The following MCOLN2 variants were observed in gnomAD, a reference collection of about 807,000 sequenced individuals.
MCOLN2 encodes the protein mucolipin TRP cation channel 2, also known as mucolipin-2.
In MCOLN2, 57 loss-of-function variants were observed where a neutral mutation model predicts 67.5. That is an observed-to-expected ratio of 0.84 (90% confidence interval 0.68 to 1.05). MCOLN2 has a LOEUF of 1.05. MCOLN2 is among the 50% of genes least tolerant of loss of function. The probability of loss-of-function intolerance (pLI) is 0.00; values close to 1 mark genes in which losing one functional copy is unlikely to be tolerated. For synonymous variants in MCOLN2, 246 were observed against 233.3 expected (o/e 1.05, Z -0.50); for missense variants, 620 against 678.8 (o/e 0.91, Z 0.96).
rs771530465 is a variant in MCOLN2 at position 84,940,922 on chromosome 1, A to G, written c.917T>C (p.Ile306Thr). Reference sequence around the variant, plus strand: ...AAGAACAATGGATCTTGTACACAGAATAAGAGATGCCAAGCAAATCACAAT... The same window carrying G: ...AAGAACAATGGATCTTGTACACAGAGTAAGAGATGCCAAGCAAATCACAAT... Reference protein sequence around the residue: ...FVIVICLASLILCTRSIVLAL... With the variant: ...FVIVICLASLTLCTRSIVLAL... The change falls in exon 8 of 14, where the codon ATT (isoleucine) becomes ACT (threonine). Residue 306 changes from isoleucine (I) to threonine (T), a missense_variant. Transcript: ENST00000370608. 11 of 1,613,834 alleles carry G rather than the reference A, an allele frequency of 6.8e-6. No individual in the cohort carries two copies. Among genetic ancestry groups the G allele is most frequent in the Middle Eastern group, 1.6e-4 (1 of 6,062 alleles).
chr1:84,986,368 C>T (rs1650505615), intron 1 of MCOLN2, among the ~76,000 whole-genome samples: 1 of 152,050 alleles, frequency 6.6e-6, no homozygotes, highest in African/African-American at 2.4e-5. Context: ...TGGAGAAACC[C>T]TGTCTTTACT....
intron 8 of MCOLN2, 26 bp downstream of exon 8, chr1:84,940,853 G>T: frequency 6.5e-7 from 1 of 1,529,908 alleles, no homozygotes. Flanking sequence ...CAAGAGGGCA[G>T]GAAGAGAATG....
intron 12 of MCOLN2, 114 bp downstream of exon 12, chr1:84,931,248 C>CA: frequency 1.4e-6 from 1 of 738,878 alleles, no homozygotes; most frequent in Non-Finnish European, 2.3e-6. Context: ...AGTTTGTCCA[C>CA]AAAACCTCAA....
chr1:84,985,937 A>C (rs1571042024), intron 1 of MCOLN2, among the ~76,000 whole-genome samples: 1 of 152,296 alleles, frequency 6.6e-6, no homozygotes, highest in South Asian at 2.1e-4. Context: ...AACTAGGAAA[A>C]AAAATCCTAA....
rs1051694004 is a variant in MCOLN2 at position 84,953,517 on chromosome 1, T to C, written c.566-987A>G. Among the ~76,000 whole-genome samples the C allele has an allele frequency of 7.5e-5, 11 of 145,924 alleles. No homozygotes were observed. The East Asian group carries it at 1.8e-3, about 24-fold the overall frequency. On this transcript the variant is annotated intron_variant, in intron 4 of 13. Coordinates refer to ENST00000370608, the MANE Select transcript of MCOLN2 (RefSeq NM_153259.4). ...GTGAGCCAAGATTGCGCCACTGCAC[T>C]CCAGCCTGGGCGACAAGAACGAAAC...
At chr1:84,938,743 C>G (rs1365457604) in intron 9 of MCOLN2, among the ~76,000 whole-genome samples, 1 of 152,146 alleles carries the variant, frequency 6.6e-6, no homozygotes, top group Non-Finnish European at 1.5e-5. Context: ...AGGGTCAGAG[C>G]AGGGGCAGGA....
chr1:84,964,523 G>C (rs1179749695), intron 2 of MCOLN2, among the ~76,000 whole-genome samples: 1 of 141,942 alleles, frequency 7.0e-6, no homozygotes, highest in African/African-American at 2.5e-5. Context: ...AGTGGGGCAG[G>C]AGTGGGGGGG....
At chr1:84,983,274 C>A (rs200814684) in intron 1 of MCOLN2, among the ~76,000 whole-genome samples, 2 of 139,110 alleles carry the variant, frequency 1.4e-5, no homozygotes, top group Non-Finnish European at 3.2e-5. Context: ...TTTTTCTTTT[C>A]TTTTTCTTTT....
At chr1:84,996,708 C>A in intron 1 of MCOLN2, 88 bp downstream of exon 1, 1 of 1,186,138 alleles carries the variant, frequency 8.4e-7, no homozygotes. Context: ...AGGCAGCAAG[C>A]AAGCTCTAGT....
intron 7 of MCOLN2, among the ~76,000 whole-genome samples, chr1:84,945,258 T>A (rs1648030431): frequency 1.3e-5 from 2 of 152,206 alleles, no homozygotes; most frequent in South Asian, 4.1e-4. Flanking sequence ...GAAATTTCCA[T>A]CATTTTGATC....
chr1:84,956,439 A>G lies in MCOLN2; in HGVS notation c.557T>C (p.Val186Ala), dbSNP rs762235549. The G allele has an allele frequency of 6.2e-7, 1 of 1,611,504 alleles. No homozygotes were observed. Among genetic ancestry groups the G allele is most frequent in the Non-Finnish European group, 8.5e-7 (1 of 1,179,210 alleles). Residue 186 changes from valine (V) to alanine (A), a missense_variant, in exon 4 of 14, where the codon GTT (valine) becomes GCT (alanine). Physicochemically the swap from Val to Ala is moderately conservative, Grantham distance 64. Coordinates refer to ENST00000370608, the MANE Select transcript of MCOLN2 (RefSeq NM_153259.4). ...AATTATCACTGCATTACCGAGCTCA[A>G]CGTCGTTGTCAATATTCAGTGTCTC... is the stretch of plus-strand genomic sequence containing the variant. ...SNETLNIDND[V>A]ELDCVQLDLQ...
chr1:84,996,455 A>T (rs960260494), intron 1 of MCOLN2, among the ~76,000 whole-genome samples: 1 of 140,360 alleles, frequency 7.1e-6, no homozygotes, highest in Non-Finnish European at 1.5e-5. Flanking sequence ...GAAACGGGGG[A>T]GCCAAGGTCT....
At position 84,965,670 on chromosome 1, in the gene MCOLN2, T is replaced by TC. The variant is rs1649343307; in HGVS notation, c.115dup (p.Glu39GlyfsTer16). The TC allele has an allele frequency of 6.2e-7, 1 of 1,613,586 alleles. No individual in the cohort carries two copies. Among genetic ancestry groups the TC allele is most frequent in the South Asian group, 1.1e-5 (1 of 90,946 alleles). ...AAACTTCAGGTCTTCCCTTAGACAT[T>TC]CTTCTTTCATCTCAGAATCACGATG... On this transcript the variant is annotated frameshift_variant, in exon 2 of 14. Coordinates refer to ENST00000370608, the MANE Select transcript of MCOLN2 (RefSeq NM_153259.4). LOFTEE classifies it high-confidence loss of function.
chr1:84,971,611 A>T (rs1181149065), intron 1 of MCOLN2, among the ~76,000 whole-genome samples: 2 of 152,138 alleles, frequency 1.3e-5, no homozygotes, highest in South Asian at 2.1e-4. Context: ...AGGGAAAAAA[A>T]TTTTAAAACA....
chr1:84,958,682 A>C lies in MCOLN2; in HGVS notation c.258T>G (p.Ser86Arg), dbSNP rs1648921164. The C allele has an allele frequency of 1.0e-5, 16 of 1,579,668 alleles. No individual in the cohort carries two copies. The highest frequency in any genetic ancestry group is 1.4e-5 in the Non-Finnish European group (16 of 1,168,534). ...CTTTGAAAGCAACCACCAGCTGGTT[A>C]CTTAAACCAAAACGAACAAGCTAAA... ...VTTQLVRFGL[S>R]NQLVVAFKED... is the part of the protein sequence containing the mutation. Residue 86 changes from serine (S) to arginine (R), a missense_variant, in exon 3 of 14, where the codon AGT (serine) becomes AGG (arginine). Ser to Arg is a moderately radical substitution (Grantham distance 110, BLOSUM62 -1). Transcript: ENST00000370608.
At chr1:84,991,231 G>A (rs1014655113) in intron 1 of MCOLN2, among the ~76,000 whole-genome samples, 21 of 152,214 alleles carry the variant, frequency 1.4e-4, no homozygotes, top group Non-Finnish European at 2.9e-4. Context: ...GGGGTAGAGG[G>A]TGGAAGAAGT....
rs147348679 is a variant in MCOLN2, at chr1:84,937,717, G to A, written c.1335+38C>T. The A allele has an allele frequency of 1.0e-3, 1,622 of 1,611,888 alleles. 20 individuals are homozygous for A. The South Asian group carries it at 0.01, about 10-fold the overall frequency. On this transcript the variant is annotated intron_variant, in intron 11 of 13. Coordinates refer to ENST00000370608, the MANE Select transcript of MCOLN2 (RefSeq NM_153259.4). ...AGAAACCCACGTTCAAGGGTCCCAC[G>A]TGCCCCATCTGCAGAAGGAAGAATG...
chr1:84,993,032 T>C (rs1157159535), intron 1 of MCOLN2, among the ~76,000 whole-genome samples: 1 of 152,266 alleles, frequency 6.6e-6, no homozygotes, highest in South Asian at 2.1e-4. Flanking sequence ...ACAGTAGAAC[T>C]TCTTTCAAAA....
At chr1:84,942,939 G>A (rs1009413833) in intron 7 of MCOLN2, among the ~76,000 whole-genome samples, 3 of 152,126 alleles carry the variant, frequency 2.0e-5, no homozygotes, top group African/African-American at 2.4e-5. Context: ...GTGGGGCTCC[G>A]ACTTTGGACT....
Sources: gnomAD v4.1 joint callset for allele counts (sites outside exome capture counted in the v4.1 genomes callset) on GRCh38, gnomAD v4.1.1 for gene constraint, MANE v1.5 for transcripts, NCBI Gene and HGNC (gene_info 2026-07-23, HGNC 2026-07-21) for gene names.